Variants in NAALADL2 observed in about 807,000 individuals in gnomAD.
NAALADL2 encodes the protein inactive N-acetylated-alpha-linked acidic dipeptidase-like protein 2.
NAALADL2 carries 76 observed loss-of-function variants against 87.2 expected under a neutral mutation model. The ratio of observed to expected loss-of-function variants is 0.87; its 90% CI spans 0.72 to 1.05. NAALADL2 has a LOEUF of 1.05. Among genes scored for constraint, NAALADL2 ranks in the 50% least tolerant of loss-of-function variants. The pLI is 0.00. For missense variants in NAALADL2, 1,089 were observed against 945.8 expected (o/e 1.15, Z -1.99); for synonymous variants, 354 against 331.0 (o/e 1.07, Z -0.75).
At chr3:174,854,985 C>T (rs985078655), upstream of NAALADL2, among the ~76,000 whole-genome samples, 1 of 151,546 alleles carries the variant, frequency 6.6e-6, no homozygotes, top group Non-Finnish European at 1.5e-5. Flanking sequence ...CTACAGACTC[C>T]CACCACCACA....
At chr3:174,996,993 GGTGTGTGTGTGTGTGTGTGTGTGTGT>G (rs34590643) in intron 1 of NAALADL2, among the ~76,000 whole-genome samples, 1 of 121,574 alleles carries the variant, frequency 8.2e-6, no homozygotes, top group Admixed American at 8.8e-5. Context: ...TATTCCAAGG[GGTGTGTGTGTGTGTGTGTGTGTGTGT>G]GTGTGTGTGT....
At chr3:175,022,451 C>A (rs561618136) in intron 1 of NAALADL2, among the ~76,000 whole-genome samples, 268 of 152,094 alleles carry the variant, frequency 1.8e-3, no homozygotes, top group African/African-American at 6.3e-3. Flanking sequence ...ATTAAAAAAA[C>A]TACAATGTAG....
chr3:174,454,247 A>T (rs1715675624), intron 1 of NAALADL2, among the ~76,000 whole-genome samples: 1 of 152,130 alleles, frequency 6.6e-6, no homozygotes, highest in South Asian at 2.1e-4. Context: ...CATAAAGCAA[A>T]TTCTTAGAGA....
chr3:174,466,272 G>T (rs1473022080), intron 1 of NAALADL2, among the ~76,000 whole-genome samples: 1 of 150,000 alleles, frequency 6.7e-6, no homozygotes, highest in Non-Finnish European at 1.5e-5. Context: ...AACATTATGA[G>T]ATTTTTTTTT....
chr3:174,495,253 A>G (rs894855525), intron 1 of NAALADL2, among the ~76,000 whole-genome samples: 1 of 127,286 alleles, frequency 7.9e-6, no homozygotes, highest in African/African-American at 2.9e-5. Context: ...GAAAGCTTAT[A>G]TTAACAAACC....
intron 1 of NAALADL2, among the ~76,000 whole-genome samples, chr3:174,969,091 G>T (rs1453875192): frequency 6.6e-6 from 1 of 152,150 alleles, no homozygotes; most frequent in Non-Finnish European, 1.5e-5. Context: ...TGTAACACAG[G>T]TCTATGGGGC....
intron 2 of NAALADL2, among the ~76,000 whole-genome samples, chr3:174,703,433 G>A (rs746992084): frequency 6.1e-4 from 92 of 151,898 alleles, no homozygotes; most frequent in Non-Finnish European, 4.9e-4. Flanking sequence ...TTTTTGAAGA[G>A]CAAGAAAATG....
At chr3:174,839,242 C>CA (rs1723731183) in intron 3 of NAALADL2, among the ~76,000 whole-genome samples, 1 of 151,968 alleles carries the variant, frequency 6.6e-6, no homozygotes, top group Admixed American at 6.6e-5. Flanking sequence ...ATAAAGTGGG[C>CA]AAAGGGCACC....
At chr3:174,507,100 A>G (rs1322824182) in intron 1 of NAALADL2, among the ~76,000 whole-genome samples, 1 of 152,026 alleles carries the variant, frequency 6.6e-6, no homozygotes, top group Non-Finnish European at 1.5e-5. Flanking sequence ...AAGATTAATT[A>G]TTTAAATTTT....
chr3:175,044,408 C>A (rs1754436318), intron 1 of NAALADL2, among the ~76,000 whole-genome samples: 1 of 152,022 alleles, frequency 6.6e-6, no homozygotes, highest in South Asian at 2.1e-4. Context: ...TTTGTTGTTG[C>A]ATTATATTTG....
intron 11 of NAALADL2, among the ~76,000 whole-genome samples, chr3:175,697,127 A>T (rs1419530660): frequency 6.6e-6 from 1 of 152,082 alleles, no homozygotes; most frequent in African/African-American, 2.4e-5. Flanking sequence ...ATCAATCTGA[A>T]GCCAACATCA....
Position 175,737,370 on chromosome 3 carries a change from T to G in NAALADL2, c.1961T>G (p.Ile654Arg). Residue 654 changes from isoleucine to arginine, a missense_variant, in exon 12 of 14, where the codon ATA becomes AGA. Coordinates refer to ENST00000454872, the MANE Select transcript of NAALADL2 (RefSeq NM_207015.3). ...GTTCTGCCCTTTAATGCACTTGATA[T>G]AGCTTTAGAAGTTCAAAACAACCTT... ...EPVLPFNALDIALEVQNNLKG... is the reference protein window; with the variant it reads ...EPVLPFNALDRALEVQNNLKG... 6.2e-7 allele frequency: 1 copy of G among 1,608,990 alleles called. No individual in the cohort carries two copies. Among genetic ancestry groups the G allele is most frequent in the Non-Finnish European group, 8.5e-7 (1 of 1,175,622 alleles).
intron 2 of NAALADL2, among the ~76,000 whole-genome samples, chr3:174,640,163 C>G (rs980212908): frequency 6.6e-6 from 1 of 152,156 alleles, no homozygotes; most frequent in African/African-American, 2.4e-5. Flanking sequence ...TCATGGGTGC[C>G]CATCAGAATC....
chr3:174,868,455 G>T (rs144715429), intron 1 of NAALADL2, among the ~76,000 whole-genome samples: 2 of 152,084 alleles, frequency 1.3e-5, no homozygotes, highest in African/African-American at 4.8e-5. Flanking sequence ...GTTTACACTT[G>T]ATAAATGTTT....
intron 1 of NAALADL2, among the ~76,000 whole-genome samples, chr3:175,051,681 C>G (rs1487328098): frequency 6.9e-6 from 1 of 145,778 alleles, no homozygotes; most frequent in Non-Finnish European, 1.5e-5. Flanking sequence ...GCTAATTACA[C>G]TTATGGAGAA....
chr3:174,610,649 T>G (rs1438272573), intron 2 of NAALADL2, among the ~76,000 whole-genome samples: 7 of 151,928 alleles, frequency 4.6e-5, no homozygotes, highest in African/African-American at 1.7e-4. Context: ...TGGCAATCAT[T>G]AAAAAGTCAG....
At chr3:175,450,160 G>T (rs1721348285) in intron 6 of NAALADL2, among the ~76,000 whole-genome samples, 2 of 151,888 alleles carry the variant, frequency 1.3e-5, no homozygotes, top group Admixed American at 6.6e-5. Context: ...GGACAATAAT[G>T]CTCATAGTTT....
At chr3:175,145,634 T>C (rs1447659566) in intron 2 of NAALADL2, among the ~76,000 whole-genome samples, 1 of 152,102 alleles carries the variant, frequency 6.6e-6, no homozygotes, top group African/African-American at 2.4e-5. Flanking sequence ...GCTGATTTGC[T>C]GATTGCCTAA....
rs568857884 is a variant in NAALADL2 at position 175,168,239 on chromosome 3, C to T, written c.546-65692C>T. ...AAAACAAATATATTTAGAGATAACCCAAAACAAAGGCCACCTTAAGGAATC... is the reference window on the plus strand; with the variant it reads ...AAAACAAATATATTTAGAGATAACCTAAAACAAAGGCCACCTTAAGGAATC... On this transcript the variant is annotated intron_variant, in intron 2 of 13. Coordinates refer to ENST00000454872, the MANE Select transcript of NAALADL2 (RefSeq NM_207015.3). Among the ~76,000 whole-genome samples the T allele has an allele frequency of 2.2e-4, 33 of 151,774 alleles. 2 individuals are homozygous for T. The South Asian group carries it at 6.6e-3, about 31-fold the overall frequency.
Sources: allele counts gnomAD v4.1 joint callset (sites outside exome capture counted in the v4.1 genomes callset), GRCh38; gene constraint gnomAD v4.1.1; transcripts MANE v1.5; gene names NCBI Gene and HGNC (gene_info 2026-07-23, HGNC 2026-07-21).